Variants in PDE7B observed in about 807,000 individuals in gnomAD.
PDE7B encodes the protein phosphodiesterase 7B.
A neutral mutation model predicts 56.2 loss-of-function variants in PDE7B; 29 were observed. The observed-to-expected ratio is 0.52, with a 90% confidence interval of 0.38 to 0.70. The LOEUF is 0.70. Ranked by LOEUF, PDE7B falls within the 30% of genes least tolerant of loss-of-function variation. The probability of loss-of-function intolerance (pLI) is 0.00; values close to 1 mark genes in which losing one functional copy is unlikely to be tolerated. For missense variants in PDE7B, 490 were observed against 565.0 expected, an observed-to-expected ratio of 0.87 and a Z score of 1.35; for synonymous variants, 197 against 196.9, an observed-to-expected ratio of 1.00 and a Z score of 0.00.
chr6:136,103,531 CTGTCTT>C (rs1231791007), intron 2 of PDE7B, among the ~76,000 whole-genome samples: 2 of 152,198 alleles, frequency 1.3e-5, no homozygotes, highest in African/African-American at 4.8e-5. Flanking sequence ...TGGATTTTCT[CTGTCTT>C]TATTTTGCAA....
chr6:135,993,454 C>T (rs1488475634), intron 2 of PDE7B, among the ~76,000 whole-genome samples: 2 of 152,174 alleles, frequency 1.3e-5, no homozygotes, highest in Non-Finnish European at 2.9e-5. Flanking sequence ...TTTTTGAAAG[C>T]TCCCCAGGTG....
At chr6:136,062,518 C>T (rs897560136) in intron 2 of PDE7B, among the ~76,000 whole-genome samples, 1 of 152,196 alleles carries the variant, frequency 6.6e-6, no homozygotes, top group Non-Finnish European at 1.5e-5. Flanking sequence ...GCTGTACATT[C>T]AGTCTCCAGA....
intron 8 of PDE7B, among the ~76,000 whole-genome samples, chr6:136,159,259 C>G (rs1386175997): frequency 6.6e-6 from 1 of 152,138 alleles, no homozygotes; most frequent in Non-Finnish European, 1.5e-5. Flanking sequence ...CGTCCTCAAA[C>G]AAACATCTGC....
chr6:136,009,101 C>T (rs1775841180), intron 2 of PDE7B, among the ~76,000 whole-genome samples: 1 of 152,002 alleles, frequency 6.6e-6, no homozygotes. Flanking sequence ...AATCCTTTCC[C>T]CAGTTCTTGT....
intron 2 of PDE7B, among the ~76,000 whole-genome samples, chr6:136,098,374 CAG>C (rs1777506271): frequency 6.6e-6 from 1 of 152,138 alleles, no homozygotes; most frequent in Non-Finnish European, 1.5e-5. Context: ...GGCCTATACT[CAG>C]AGAAATCTGC....
intron 3 of PDE7B, among the ~76,000 whole-genome samples, chr6:136,137,409 T>A (rs965461838): frequency 1.3e-5 from 2 of 152,166 alleles, no homozygotes; most frequent in African/African-American, 4.8e-5. Flanking sequence ...TCAGTTGGAC[T>A]GATGCTCGAA....
At chr6:135,905,959 C>T (rs1776092824) in intron 1 of PDE7B, among the ~76,000 whole-genome samples, 1 of 152,172 alleles carries the variant, frequency 6.6e-6, no homozygotes, top group Non-Finnish European at 1.5e-5. Context: ...CTGTAATTTT[C>T]CTCCTCTTCT....
intron 8 of PDE7B, among the ~76,000 whole-genome samples, chr6:136,173,292 T>C (rs1401791108): frequency 6.6e-6 from 1 of 152,148 alleles, no homozygotes; most frequent in Non-Finnish European, 1.5e-5. Flanking sequence ...ATGGTACTGG[T>C]ACCAAAACAG....
rs117380423 is a variant in PDE7B, at chr6:135,886,695, T to C, written c.21+34676T>C. Reference sequence around the variant, plus strand: ...TCCATCCAAGTTGCTGCAGAAGACATTATTTCATCCTTTATGGCCTAGTAG... The same window carrying C: ...TCCATCCAAGTTGCTGCAGAAGACACTATTTCATCCTTTATGGCCTAGTAG... On this transcript the variant is annotated intron_variant, in intron 1 of 12. Coordinates refer to ENST00000308191, the MANE Select transcript of PDE7B (RefSeq NM_018945.4). 2.0e-5 allele frequency among the ~76,000 whole-genome samples: 3 copies of C among 152,288 alleles called. No individual in the cohort carries two copies. The East Asian group carries it at 5.8e-4, about 29-fold the overall frequency.
chr6:136,097,879 C>G (rs1332631116), intron 2 of PDE7B: 1 of 152,114 alleles, frequency 6.6e-6, no homozygotes, highest in Non-Finnish European at 1.5e-5. Context: ...GAATATGCCC[C>G]CACAGCCTAG....
At chr6:136,043,104 A>G (rs1776439781) in intron 2 of PDE7B, among the ~76,000 whole-genome samples, 1 of 152,260 alleles carries the variant, frequency 6.6e-6, no homozygotes, top group Non-Finnish European at 1.5e-5. Flanking sequence ...CAAGGAATCA[A>G]TTAGTCTCAA....
At chr6:136,118,284 A>G (rs1287445594) in intron 3 of PDE7B, among the ~76,000 whole-genome samples, 1 of 152,152 alleles carries the variant, frequency 6.6e-6, no homozygotes, top group Admixed American at 6.5e-5. Flanking sequence ...CTGCACTCCC[A>G]CTACATCTCC....
rs1779275442 is a variant in PDE7B at position 136,194,151 on chromosome 6, T to C, written c.*2311T>C. ...GGGCTTTTGAACAGTCTATTTTTAATGTATATGAGGTCAAATCAAGGAAGG... is the reference window on the plus strand; with the variant it reads ...GGGCTTTTGAACAGTCTATTTTTAACGTATATGAGGTCAAATCAAGGAAGG... On this transcript the variant is annotated 3_prime_UTR_variant, in exon 13 of 13. Coordinates refer to ENST00000308191, the MANE Select transcript of PDE7B (RefSeq NM_018945.4). 6.6e-6 allele frequency: 1 copy of C among 152,116 alleles called. No homozygotes were observed. The highest frequency in any genetic ancestry group is 2.4e-5 in the African/African-American group (1 of 41,406). The allele number at this position is 152,116 out of a possible 1,614,324, so 9.4% of individuals were successfully genotyped here.
chr6:135,997,579 T>G (rs1462763673), intron 2 of PDE7B, among the ~76,000 whole-genome samples: 1 of 152,006 alleles, frequency 6.6e-6, no homozygotes, highest in African/African-American at 2.4e-5. Context: ...TATACAGAGA[T>G]GTTTCTGCAG....
At chr6:135,898,783 G>A (rs1273900497) in intron 1 of PDE7B, among the ~76,000 whole-genome samples, 1 of 152,118 alleles carries the variant, frequency 6.6e-6, no homozygotes, top group Non-Finnish European at 1.5e-5. Context: ...CATTATTATA[G>A]ATAAATTTAG....
At chr6:136,128,564 C>A (rs990065161) in intron 3 of PDE7B, among the ~76,000 whole-genome samples, 3 of 151,742 alleles carry the variant, frequency 2.0e-5, no homozygotes, top group African/African-American at 4.9e-5. Context: ...GACCCCCCCA[C>A]CCCTGGGCAA....
chr6:135,864,842 G>T (rs1238170866), intron 1 of PDE7B, among the ~76,000 whole-genome samples: 1 of 151,722 alleles, frequency 6.6e-6, no homozygotes, highest in Non-Finnish European at 1.5e-5. Flanking sequence ...TGCACAATGT[G>T]CAGGTTTGTT....
intron 2 of PDE7B, among the ~76,000 whole-genome samples, chr6:135,992,259 T>C (rs1423645875): frequency 6.6e-6 from 1 of 152,092 alleles, no homozygotes; most frequent in Non-Finnish European, 1.5e-5. Flanking sequence ...TAAGAAAATT[T>C]ACTAATAAGT....
chr6:136,066,569 G>T (rs146927474), intron 2 of PDE7B, among the ~76,000 whole-genome samples: 7 of 152,094 alleles, frequency 4.6e-5, no homozygotes, highest in Non-Finnish European at 8.8e-5. Flanking sequence ...CAGCCCTTTC[G>T]CTATGCAGGT....
Sources: gnomAD v4.1 joint callset for allele counts (sites outside exome capture counted in the v4.1 genomes callset) on GRCh38, gnomAD v4.1.1 for gene constraint, MANE v1.5 for transcripts, NCBI Gene and HGNC (gene_info 2026-07-23, HGNC 2026-07-21) for gene names.